BRIP1: variants seen among roughly 807,000 people sequenced by gnomAD.
BRIP1 encodes BRCA1 interacting DNA helicase 1, also known as Fanconi anemia group J protein.
A neutral mutation model predicts 119.7 loss-of-function variants in BRIP1; 88 were observed. The ratio of observed to expected loss-of-function variants is 0.74; its 90% CI spans 0.62 to 0.88. BRIP1 has a LOEUF of 0.88. Ranked by LOEUF, BRIP1 falls within the 40% of genes least tolerant of loss-of-function variation. The pLI is 0.00. For missense variants in BRIP1, 1,259 were observed against 1,455.4 expected, an observed-to-expected ratio of 0.87 and a Z score of 2.20; for synonymous variants, 443 against 496.5, an observed-to-expected ratio of 0.89 and a Z score of 1.43.
chr17:61,689,548 G>A lies in BRIP1; in HGVS notation c.2576-3383C>T, dbSNP rs2061416985. Among the ~76,000 whole-genome samples, 1 of 152,034 alleles carries A rather than the reference G, an allele frequency of 6.6e-6. No individual in the cohort carries two copies. Among genetic ancestry groups the A allele is most frequent in the African/African-American group, 2.4e-5 (1 of 41,382 alleles). On this transcript the variant is annotated intron_variant, in intron 18 of 19. Transcript: ENST00000259008. This position sits in a 1 kb window ranked among gnomAD's most constrained non-coding sequence, Gnocchi z 4.5. Reference sequence around the variant, plus strand: ...GACCGAAAACTTAATAAACCTGGGGGGAGGAAAATGACATCCAAATACATG... The same window carrying A: ...GACCGAAAACTTAATAAACCTGGGGAGAGGAAAATGACATCCAAATACATG...
chr17:61,855,341 G>T (rs559223829), intron 4 of BRIP1, among the ~76,000 whole-genome samples: 135 of 152,270 alleles, frequency 8.9e-4, no homozygotes, highest in African/African-American at 3.0e-3. Context: ...ACTCTGGGAG[G>T]CCGAGGCAGG....
Position 61,844,024 on chromosome 17 carries a change from A to G in BRIP1, c.627+3077T>C, listed in dbSNP as rs1023758056. On this transcript the variant is annotated intron_variant, in intron 6 of 19. Transcript: ENST00000259008. The surrounding 1 kb of genome is among the most constrained non-coding windows in gnomAD (Gnocchi z 4.7). ...AATACAGCCTCAATCTTCTGGCTCA[A>G]GGGATCCCCCTCCCTCAGCCTCCTG... Among the ~76,000 whole-genome samples the G allele has an allele frequency of 5.9e-5, 9 of 151,976 alleles. No individual in the cohort carries two copies. Among genetic ancestry groups the G allele is most frequent in the Non-Finnish European group, 4.4e-5 (3 of 67,992 alleles).
At position 61,776,610 on chromosome 17, in the gene BRIP1, G is replaced by A. The variant is rs1186838245; in HGVS notation, c.1936-48C>T. The A allele has an allele frequency of 6.4e-7, 1 of 1,552,582 alleles. No homozygotes were observed. Among genetic ancestry groups the A allele is most frequent in the Non-Finnish European group, 8.9e-7 (1 of 1,124,242 alleles). ...TTAGAGTTATGCCTGAAAAAGGCAT[G>A]GAAATTAGTATTTATTTGGAAGTAT... On this transcript the variant is annotated intron_variant, in intron 13 of 19. Transcript: ENST00000259008. This position sits in a 1 kb window ranked among gnomAD's most constrained non-coding sequence, Gnocchi z 5.0.
intron 11 of BRIP1, among the ~76,000 whole-genome samples, chr17:61,782,389 A>AC (rs386386381): frequency 1.7e-3 from 1 of 588 alleles, no homozygotes; most frequent in African/African-American, 5.2e-3. Context: ...CCCGTCTCAG[A>AC]AAAAAAAAAA....
chr17:61,801,135 C>T, intron 8 of BRIP1, 118 bp downstream of exon 8: 2 of 915,996 alleles, frequency 2.2e-6, no homozygotes, highest in Non-Finnish European at 3.4e-6. Flanking sequence ...AATATGTTTA[C>T]ACAAATTTAT....
In BRIP1 at chr17:61,853,720, C is replaced by G. The variant is rs2078855756; in HGVS notation, c.379+3338G>C. On this transcript the variant is annotated intron_variant, in intron 4 of 19. Coordinates refer to ENST00000259008, the MANE Select transcript of BRIP1 (RefSeq NM_032043.3). This position sits in a 1 kb window ranked among gnomAD's most constrained non-coding sequence, Gnocchi z 4.3. Reference sequence around the variant, plus strand: ...CAAAAAAATGAACTTGAATCCATACCTTACACCATATACACATATTAACTC... The same window carrying G: ...CAAAAAAATGAACTTGAATCCATACGTTACACCATATACACATATTAACTC... Among the ~76,000 whole-genome samples, 2 of 152,122 alleles carry G rather than the reference C, an allele frequency of 1.3e-5. No individual in the cohort carries two copies. Among genetic ancestry groups the G allele is most frequent in the Admixed American group, 1.3e-4 (2 of 15,268 alleles).
In BRIP1 at chr17:61,834,041, CA is replaced by C. The variant is rs2078533331; in HGVS notation, c.627+13059del. Among the ~76,000 whole-genome samples the C allele has an allele frequency of 6.6e-6, 1 of 151,942 alleles. No homozygotes were observed. The highest frequency in any genetic ancestry group is 1.5e-5 in the Non-Finnish European group (1 of 67,958). On this transcript the variant is annotated intron_variant, in intron 6 of 19. Coordinates refer to ENST00000259008, the MANE Select transcript of BRIP1 (RefSeq NM_032043.3). This position sits in a 1 kb window ranked among gnomAD's most constrained non-coding sequence, Gnocchi z 4.4. Reference sequence around the variant, plus strand: ...TGTATAAACAAATGTAAAATGCGTTCAAAAAAACTTTATTTATAAAAGCAGG... The same window carrying C: ...TGTATAAACAAATGTAAAATGCGTTCAAAAAACTTTATTTATAAAAGCAGG...
chr17:61,765,392 TATATATATATATATATA>T (rs2077344356), intron 14 of BRIP1, among the ~76,000 whole-genome samples: 1 of 15,416 alleles, frequency 6.5e-5, no homozygotes, highest in Non-Finnish European at 1.4e-4. Flanking sequence ...TATATATATA[TATATATATATATATATA>T]TATATATATA....
chr17:61,830,535 G>T (rs2078478636), intron 6 of BRIP1, among the ~76,000 whole-genome samples: 1 of 151,986 alleles, frequency 6.6e-6, no homozygotes, highest in Admixed American at 6.5e-5. Context: ...AGAAATAAGA[G>T]AATATTTTGA....
At chr17:61,698,955 G>A (rs1029113679) in intron 17 of BRIP1, among the ~76,000 whole-genome samples, 4 of 152,044 alleles carry the variant, frequency 2.6e-5, no homozygotes, top group Admixed American at 6.6e-5. Context: ...AAGCTCAAGC[G>A]ATCTGCCCAC....
Position 61,845,488 on chromosome 17 carries a change from T to G in BRIP1, c.627+1613A>C, listed in dbSNP as rs2078714676. Among the ~76,000 whole-genome samples the G allele has an allele frequency of 6.6e-6, 1 of 152,240 alleles. No individual in the cohort carries two copies. Among genetic ancestry groups the G allele is most frequent in the African/African-American group, 2.4e-5 (1 of 41,456 alleles). ...CATTATATAAATATAAAAAGTCATA[T>G]TCTGTAATATCACCAATTTCATCAG... On this transcript the variant is annotated intron_variant, in intron 6 of 19. Coordinates refer to ENST00000259008, the MANE Select transcript of BRIP1 (RefSeq NM_032043.3). The surrounding 1 kb of genome is among the most constrained non-coding windows in gnomAD (Gnocchi z 4.2).
At position 61,799,267 on chromosome 17, in the gene BRIP1, A is replaced by C. The variant is rs1427603031; in HGVS notation, c.1173T>G (p.Ile391Met). The C allele has an allele frequency of 6.2e-7, 1 of 1,613,282 alleles. No homozygotes were observed. The highest frequency in any genetic ancestry group is 2.2e-5 in the East Asian group (1 of 44,868). The change falls in exon 9 of 20, where the codon ATT (isoleucine) becomes ATG (methionine). Residue 391 changes from isoleucine (I) to methionine (M), a missense_variant. Ile to Met is a conservative substitution (Grantham distance 10). Transcript: ENST00000259008. The surrounding 1 kb of genome is among the most constrained non-coding windows in gnomAD (Gnocchi z 5.1). ...CCTCGATGTTATGAGCTTCATCTAA[A>C]ATGACAACCTGTTCTTTCAGATTTA... ...MDLNLKEQVV[I>M]LDEAHNIEDC...
At position 61,791,945 on chromosome 17, in the gene BRIP1, A is replaced by G. The variant is rs563417584; in HGVS notation, c.1473+1652T>C. Among the ~76,000 whole-genome samples, 25 of 152,312 alleles carry G rather than the reference A, an allele frequency of 1.6e-4. No individual in the cohort carries two copies. In the South Asian group the frequency reaches 4.8e-3, roughly 29 times the overall value. On this transcript the variant is annotated intron_variant, in intron 10 of 19. Coordinates refer to ENST00000259008, the MANE Select transcript of BRIP1 (RefSeq NM_032043.3). ...AGAAAGACAAATACTGCATGCTATC[A>G]CTCATATGTGTCATCTAAAAAAGTT...
At position 61,745,994 on chromosome 17, in the gene BRIP1, G is replaced by A. The variant is rs1041921172; in HGVS notation, c.2098-1403C>T. Among the ~76,000 whole-genome samples the A allele has an allele frequency of 6.6e-6, 1 of 151,738 alleles. No individual in the cohort carries two copies. ...TTAAATTGAACTGTTTTATCCACTT[G>A]TTATATACTATGAGTTCTACACAAT... On this transcript the variant is annotated intron_variant, in intron 14 of 19. Transcript: ENST00000259008. The surrounding 1 kb of genome is among the most constrained non-coding windows in gnomAD (Gnocchi z 4.4).
intron 5 of BRIP1, among the ~76,000 whole-genome samples, chr17:61,847,989 T>C (rs996891377): frequency 6.6e-6 from 1 of 152,178 alleles, no homozygotes; most frequent in Non-Finnish European, 1.5e-5. Context: ...TTGTCATTGG[T>C]ACTTTGATAA....
rs145898869 is a variant in BRIP1, at chr17:61,702,246, A to AGTT, written c.2493-8737_2493-8735dup. Among the ~76,000 whole-genome samples, 219 of 151,954 alleles carry AGTT rather than the reference A, an allele frequency of 1.4e-3. 2 individuals are homozygous for AGTT. Among genetic ancestry groups the AGTT allele is most frequent in the South Asian group, 2.7e-3 (13 of 4,810 alleles). On this transcript the variant is annotated intron_variant, in intron 17 of 19. Transcript: ENST00000259008. ...ATGTTTCAGAGGGATATTGATCTAT[A>AGTT]GTTGTTGTTGTTGTTGTTGTTGTTT...
rs2061438217 is a variant in BRIP1, at chr17:61,690,937, G to A, written c.2575+2493C>T. ...TAAGAAAACAATCCCATTTATAATA[G>A]TATGAATGAAGCTGGAAACCATCAT... On this transcript the variant is annotated intron_variant, in intron 18 of 19. Coordinates refer to ENST00000259008, the MANE Select transcript of BRIP1 (RefSeq NM_032043.3). The surrounding 1 kb of genome is among the most constrained non-coding windows in gnomAD (Gnocchi z 5.6). Among the ~76,000 whole-genome samples the A allele has an allele frequency of 6.6e-6, 1 of 152,062 alleles. No individual in the cohort carries two copies. The highest frequency in any genetic ancestry group is 1.5e-5 in the Non-Finnish European group (1 of 68,012).
In BRIP1 at chr17:61,738,643, T is replaced by C. The variant is rs1307202281; in HGVS notation, c.2379+4370A>G. 2.0e-5 allele frequency among the ~76,000 whole-genome samples: 3 copies of C among 152,088 alleles called. No individual in the cohort carries two copies. The highest frequency in any genetic ancestry group is 2.1e-4 in the South Asian group (1 of 4,828). On this transcript the variant is annotated intron_variant, in intron 16 of 19. Coordinates refer to ENST00000259008, the MANE Select transcript of BRIP1 (RefSeq NM_032043.3). The surrounding 1 kb of genome is among the most constrained non-coding windows in gnomAD (Gnocchi z 4.2). ...GAAAAAAAGCATTAAGAACCCCAGA[T>C]TGGTATAATAACAATGTTCAAAATC...
In BRIP1 at chr17:61,846,638, T is replaced by C. The variant is rs1277400443; in HGVS notation, c.627+463A>G. ...GTGAACTCAAGTGATCCACCCGCCT[T>C]GGCCTCCCAAAGTGCTGGGATTACA... On this transcript the variant is annotated intron_variant, in intron 6 of 19. Transcript: ENST00000259008. The surrounding 1 kb of genome is among the most constrained non-coding windows in gnomAD (Gnocchi z 4.3). 6.6e-6 allele frequency among the ~76,000 whole-genome samples: 1 copy of C among 152,112 alleles called. No homozygotes were observed. The highest frequency in any genetic ancestry group is 1.5e-5 in the Non-Finnish European group (1 of 67,992).
Sources: allele counts gnomAD v4.1 joint callset (sites outside exome capture counted in the v4.1 genomes callset), GRCh38; gene constraint gnomAD v4.1.1; non-coding constraint Gnocchi (gnomAD v3.1); transcripts MANE v1.5; gene names NCBI Gene and HGNC (gene_info 2026-07-23, HGNC 2026-07-21).